AP4B1: variants seen among roughly 807,000 people sequenced by gnomAD.
AP4B1 encodes adaptor related protein complex 4 subunit beta 1, also known as AP-4 complex subunit beta-1.
In AP4B1, 49 loss-of-function variants were observed where a neutral mutation model predicts 76.5. The observed-to-expected ratio is 0.64, with a 90% CI of 0.51 to 0.81. AP4B1 has a LOEUF of 0.81. AP4B1 is among the 40% of genes least tolerant of loss of function. The probability of loss-of-function intolerance (pLI) is 0.00; values close to 1 mark genes in which losing one functional copy is unlikely to be tolerated. For synonymous variants in AP4B1, 330 were observed against 333.3 expected, an observed-to-expected ratio of 0.99 and a Z score of 0.11; for missense variants, 911 against 904.9, an observed-to-expected ratio of 1.01 and a Z score of -0.09.
intron 1 of AP4B1, 60 bp from the exon 2 acceptor site, chr1:113,902,922 G>C (rs1668472787): frequency 6.7e-7 from 1 of 1,491,392 alleles, no homozygotes; most frequent in East Asian, 2.3e-5. Flanking sequence ...ACAATGGAGG[G>C]AGTTTTACTT....
In AP4B1 at chr1:113,900,189, C is replaced by T; in HGVS notation, c.829G>A (p.Val277Ile). 3 of 1,614,176 alleles carry T rather than the reference C, an allele frequency of 1.9e-6. No homozygotes were observed. Among genetic ancestry groups the T allele is most frequent in the Non-Finnish European group, 2.5e-6 (3 of 1,180,014 alleles). Residue 277 changes from valine to isoleucine, a missense_variant, in exon 5 of 10, where the codon GTC (valine) becomes ATC (isoleucine). Physicochemically the swap from Val to Ile is conservative, Grantham distance 29. Coordinates refer to ENST00000369569, the MANE Select transcript of AP4B1 (RefSeq NM_001253852.3). ...PHVQTDVLVR[V>I]KGPLLAACSS... ...CAGGCAGCTAGCAAAGGTCCCTTGA[C>T]CCGCACAAGGACATCAGTTTGTACG... is the stretch of plus-strand genomic sequence containing the variant.
At chr1:113,898,680 G>A in intron 6 of AP4B1, 38 bp downstream of exon 6, 2 of 1,533,656 alleles carry the variant, frequency 1.3e-6, no homozygotes, top group East Asian at 2.2e-5. Flanking sequence ...CCAGGCACCT[G>A]ACAAAAAAAA....
At chr1:113,898,355 G>C (rs1288681853) in intron 6 of AP4B1, among the ~76,000 whole-genome samples, 3 of 152,134 alleles carry the variant, frequency 2.0e-5, no homozygotes, top group Non-Finnish European at 2.9e-5. Flanking sequence ...CTAAGAGTGA[G>C]TGCCTTCTTA....
intron 4 of AP4B1, chr1:113,900,829 C>T (rs140094296): frequency 3.2e-4 from 89 of 277,984 alleles, no homozygotes; most frequent in African/African-American, 1.8e-3. Flanking sequence ...GTTAACTGGC[C>T]GGGCGCAGTG....
In AP4B1 at chr1:113,900,155, T is replaced by C. The variant is rs767594264; in HGVS notation, c.863A>G (p.Glu288Gly). 6.8e-6 allele frequency: 11 copies of C among 1,614,078 alleles called. No homozygotes were observed. Among genetic ancestry groups the C allele is most frequent in the Non-Finnish European group, 9.3e-6 (11 of 1,180,048 alleles). The change falls in exon 5 of 10, where the codon GAG becomes GGG. Residue 288 changes from glutamate to glycine, a missense_variant. Transcript: ENST00000369569. ...KGPLLAACSS[E>G]SRELCFVALC... Reference sequence around the variant, plus strand: ...AGCAACAAAACAGAGCTCACGGCTCTCTGAAGAACAGGCAGCTAGCAAAGG... The same window carrying C: ...AGCAACAAAACAGAGCTCACGGCTCCCTGAAGAACAGGCAGCTAGCAAAGG...
chr1:113,902,581 C>T (rs1668412944), intron 2 of AP4B1, 57 bp downstream of exon 2: 4 of 1,542,286 alleles, frequency 2.6e-6, no homozygotes, highest in Non-Finnish European at 3.6e-6. Flanking sequence ...AAAACCTACC[C>T]TGTGATCACT....
chr1:113,904,520 C>A (rs1668721287), intron 1 of AP4B1, 85 bp downstream of exon 1: 1 of 1,287,270 alleles, frequency 7.8e-7, no homozygotes, highest in African/African-American at 1.5e-5. Flanking sequence ...AAAGCTAATT[C>A]ACCCTTTCAG....
rs766304942 is a variant in AP4B1, at chr1:113,901,761, CA to C, written c.462del (p.Glu155LysfsTer2). 7 of 1,614,114 alleles carry C rather than the reference CA, an allele frequency of 4.3e-6. No individual in the cohort carries two copies. In the South Asian group the frequency reaches 7.7e-5, roughly 18 times the overall value. ...TGGATTACACTGAACTTACCTACTT[CA>C]GAGTCTCCATGAAGATTATGCATCT... Reference protein sequence around the residue: ...CAKMHNLHGDSEVDGALVNEL... With the variant: ...CAKMHNLHGDXEVDGALVNEL... On this transcript the variant is annotated frameshift_variant, in exon 3 of 10. Transcript: ENST00000369569. LOFTEE classifies it high-confidence loss of function.
At position 113,904,770 on chromosome 1, in the gene AP4B1, T is replaced by A; in HGVS notation, c.-53A>T. On this transcript the variant is annotated 5_prime_UTR_variant, in exon 1 of 10. Coordinates refer to ENST00000369569, the MANE Select transcript of AP4B1 (RefSeq NM_001253852.3). ...ACAGCTCCCACGGTAACTCGAGGGC[T>A]CCTTCTCGTCCTGATGTGGGAGCCT... 7.0e-7 allele frequency: 1 copy of A among 1,425,456 alleles called. No individual in the cohort carries two copies. Among genetic ancestry groups the A allele is most frequent in the South Asian group, 1.1e-5 (1 of 87,142 alleles). 88.3% of individuals were successfully genotyped at this position (1,425,456 alleles called of 1,614,324 possible).
chr1:113,904,440 G>C (rs896181682), intron 1 of AP4B1, among the ~76,000 whole-genome samples, 165 bp downstream of exon 1: 3 of 152,232 alleles, frequency 2.0e-5, no homozygotes, highest in African/African-American at 4.8e-5. Flanking sequence ...AAAAGATGCT[G>C]CAGAGGGGAG....
intron 5 of AP4B1, chr1:113,899,239 G>A (rs1354375829): frequency 3.9e-6 from 4 of 1,020,308 alleles, no homozygotes; most frequent in Non-Finnish European, 4.7e-6. Context: ...TTCCAAATAT[G>A]AGGGTTGCTC....
At position 113,895,993 on chromosome 1, in the gene AP4B1, T is replaced by C. The variant is rs1185511369; in HGVS notation, c.1556A>G (p.Tyr519Cys). ...ATCAATGCCAACTAAGAGGAGGCGA[T>C]AATAGAAGAGACCTCGGTCCCGTAC... ...MAVRDRGLFY[Y>C]RLLLVGIDEV... The change falls in exon 9 of 10, where the codon TAT becomes TGT. Residue 519 changes from tyrosine (Y) to cysteine (C), a missense_variant. Tyr to Cys is a radical substitution (Grantham distance 194). Coordinates refer to ENST00000369569, the MANE Select transcript of AP4B1 (RefSeq NM_001253852.3). The C allele has an allele frequency of 6.2e-7, 1 of 1,614,092 alleles. No individual in the cohort carries two copies. The highest frequency in any genetic ancestry group is 2.2e-5 in the East Asian group (1 of 44,892).
chr1:113,898,903 T>TAAAA, intron 5 of AP4B1, 102 bp from the exon 6 acceptor site: 1 of 740,966 alleles, frequency 1.3e-6, no homozygotes, highest in Non-Finnish European at 2.0e-6. Flanking sequence ...CAGAATTATC[T>TAAAA]AAAAAAAAAA....
chr1:113,902,564 C>T, intron 2 of AP4B1, 74 bp downstream of exon 2: 1 of 1,459,056 alleles, frequency 6.9e-7, no homozygotes, highest in South Asian at 1.1e-5. Context: ...ATAAATTATC[C>T]TCTTTAAAAA....
At chr1:113,903,646 C>T (rs772815062) in intron 1 of AP4B1, among the ~76,000 whole-genome samples, 2 of 152,162 alleles carry the variant, frequency 1.3e-5, no homozygotes, top group Admixed American at 6.5e-5. Flanking sequence ...GCTGAATGAG[C>T]AGGAGCTCAC....
At chr1:113,904,966 C>G (rs1164236987), upstream of AP4B1, 1 of 491,454 alleles carries the variant, frequency 2.0e-6, no homozygotes, top group African/African-American at 1.9e-5. Flanking sequence ...CCGTTCGCCC[C>G]GCCCACAGAT....
Position 113,895,128 on chromosome 1 carries a change from C to A in AP4B1, c.2157G>T (p.Thr719=). 1 of 1,614,168 alleles carries A rather than the reference C, an allele frequency of 6.2e-7. No individual in the cohort carries two copies. Residue 719 remains threonine (T), a synonymous_variant, in exon 10 of 10, where the codon ACG becomes ACT. Coordinates refer to ENST00000369569, the MANE Select transcript of AP4B1 (RefSeq NM_001253852.3). ...CTAATACAGAAATAAAACTATTCAG[C>A]GTCTCCGTTCTTGCTTCATTTTGTT... The part of the protein sequence containing the change: ...SVKQNEARTE[T]LNSFISVLET...
rs1354513700 is a variant in AP4B1, at chr1:113,901,779, TA to T, written c.444del (p.His148GlnfsTer9). ...RVAVLGCAKM[H>X]NLHGDSEVDG... ...CCTACTTCAGAGTCTCCATGAAGAT[TA>T]TGCATCTTGGCACATCCAAGGACTG... is the stretch of plus-strand genomic sequence containing the variant. On this transcript the variant is annotated frameshift_variant, in exon 3 of 10. Transcript: ENST00000369569. LOFTEE classifies it high-confidence loss of function. 7 of 1,614,214 alleles carry T rather than the reference TA, an allele frequency of 4.3e-6. No individual in the cohort carries two copies. The highest frequency in any genetic ancestry group is 5.9e-6 in the Non-Finnish European group (7 of 1,180,042).
In AP4B1 at chr1:113,896,417, G is replaced by C; in HGVS notation, c.1351C>G (p.Pro451Ala). The C allele has an allele frequency of 6.2e-7, 1 of 1,614,148 alleles. No individual in the cohort carries two copies. Among genetic ancestry groups the C allele is most frequent in the African/African-American group, 1.3e-5 (1 of 75,020 alleles). The stretch of plus-strand genomic sequence containing the variant: ...TCCTCTAACACATAAGGAGCATTAG[G>C]AATTCTTTCCCCATGGACACCAAGT... ...WLLGVHGERIPNAPYVLEDFV... is the reference protein window; with the variant it reads ...WLLGVHGERIANAPYVLEDFV... Residue 451 changes from proline to alanine, a missense_variant, in exon 8 of 10, where the codon CCT becomes GCT. Pro to Ala is a conservative substitution (Grantham distance 27). Transcript: ENST00000369569.
Sources: gnomAD v4.1 joint callset for allele counts (sites outside exome capture counted in the v4.1 genomes callset) on GRCh38, gnomAD v4.1.1 for gene constraint, MANE v1.5 for transcripts, NCBI Gene and HGNC (gene_info 2026-07-23, HGNC 2026-07-21) for gene names.